Variants in PIP4K2B observed in about 807,000 individuals in gnomAD.
PIP4K2B encodes the protein phosphatidylinositol-5-phosphate 4-kinase type 2 beta, also known as phosphatidylinositol 5-phosphate 4-kinase type-2 beta.
PIP4K2B carries 3 observed loss-of-function variants against 42.0 expected under a neutral mutation model. The observed-to-expected ratio is 0.07, with a 90% confidence interval of 0.03 to 0.18. The LOEUF (loss-of-function observed/expected upper bound fraction) is 0.18, where lower values mean the gene tolerates loss of function less well. Ranked by LOEUF, PIP4K2B falls within the 10% of genes least tolerant of loss-of-function variation. The pLI is 1.00. For missense variants in PIP4K2B, 332 were observed against 562.3 expected, an observed-to-expected ratio of 0.59 and a Z score of 4.14; for synonymous variants, 204 against 210.1, an observed-to-expected ratio of 0.97 and a Z score of 0.25.
chr17:38,793,392 C>T (rs1046953187), intron 1 of PIP4K2B, among the ~76,000 whole-genome samples: 1 of 150,864 alleles, frequency 6.6e-6, no homozygotes, highest in African/African-American at 2.4e-5. Context: ...TACAGGCATG[C>T]GCCACCATGC....
intron 3 of PIP4K2B, among the ~76,000 whole-genome samples, 153 bp from the exon 4 acceptor site, chr17:38,780,757 G>A (rs1277298201): frequency 6.6e-6 from 1 of 152,142 alleles, no homozygotes; most frequent in Non-Finnish European, 1.5e-5. Context: ...TTTTCTCACA[G>A]GGTGTTCACA....
chr17:38,769,657 C>T lies in PIP4K2B; in HGVS notation c.*34G>A. 2 of 1,254,556 alleles carry T rather than the reference C, an allele frequency of 1.6e-6. No individual in the cohort carries two copies. Among genetic ancestry groups the T allele is most frequent in the South Asian group, 2.4e-5 (2 of 83,898 alleles). 77.7% of individuals were successfully genotyped at this position (1,254,556 alleles called of 1,614,324 possible). On this transcript the variant is annotated 3_prime_UTR_variant, in exon 10 of 10. Transcript: ENST00000619039. ...AACTCCCGATCCCCGACCCCATATCCAGCTCTCTGGCTCTGGCTGAAGGTA... is the reference window on the plus strand; with the variant it reads ...AACTCCCGATCCCCGACCCCATATCTAGCTCTCTGGCTCTGGCTGAAGGTA...
intron 1 of PIP4K2B, among the ~76,000 whole-genome samples, 160 bp from the exon 2 acceptor site, chr17:38,787,080 G>C (rs1309043352): frequency 2.6e-5 from 4 of 152,148 alleles, no homozygotes; most frequent in Admixed American, 6.5e-5. Context: ...CTGTCACCCA[G>C]GCTGAAGTGC....
chr17:38,776,662 A>T (rs79147094), intron 7 of PIP4K2B: 4 of 437,498 alleles, frequency 9.1e-6, no homozygotes, highest in Non-Finnish European at 9.0e-6. Flanking sequence ...AACAAAAAAA[A>T]CACCTATTAT....
intron 3 of PIP4K2B, 23 bp from the exon 4 acceptor site, chr17:38,780,627 G>C: frequency 1.2e-6 from 2 of 1,600,148 alleles, no homozygotes. Flanking sequence ...ACAAAAGAAG[G>C]CTGGGCTTGG....
intron 7 of PIP4K2B, chr17:38,775,918 C>A (rs561802640): frequency 3.6e-5 from 15 of 419,312 alleles, no homozygotes; most frequent in Non-Finnish European, 6.0e-5. Flanking sequence ...TATGGATGAA[C>A]CCTGAAGACA....
intron 8 of PIP4K2B, 102 bp from the exon 9 acceptor site, chr17:38,770,641 T>C: frequency 1.4e-6 from 1 of 733,192 alleles, no homozygotes; most frequent in African/African-American, 1.7e-5. Context: ...CTCAGCTCCA[T>C]CCTTATCATG....
At position 38,787,615 on chromosome 17, in the gene PIP4K2B, C is replaced by T. The variant is rs187549820; in HGVS notation, c.160-695G>A. On this transcript the variant is annotated intron_variant, in intron 1 of 9. Transcript: ENST00000619039. ...TCTTTCTTTTTCTTTTTCTTTGAGA[C>T]GGAGTTTTGCTGTTGTTGCCCAGGC... Among the ~76,000 whole-genome samples the T allele has an allele frequency of 3.0e-3, 454 of 152,218 alleles. 1 individual carries two copies. Among genetic ancestry groups the T allele is most frequent in the Middle Eastern group, 6.8e-3 (2 of 294 alleles).
At chr17:38,773,440 A>T (rs1909154896) in intron 7 of PIP4K2B, among the ~76,000 whole-genome samples, 1 of 152,122 alleles carries the variant, frequency 6.6e-6, no homozygotes, top group African/African-American at 2.4e-5. Context: ...CATCTGTATA[A>T]TGGGTGCTGT....
At chr17:38,771,343 AG>A (rs1909030597) in intron 7 of PIP4K2B, 71 bp from the exon 8 acceptor site, 2 of 1,534,760 alleles carry the variant, frequency 1.3e-6, no homozygotes, top group African/African-American at 1.4e-5. Flanking sequence ...ACATCCAGAA[AG>A]GGGGGAAAGG....
At chr17:38,794,764 T>C (rs1006963813) in intron 1 of PIP4K2B, among the ~76,000 whole-genome samples, 1 of 152,006 alleles carries the variant, frequency 6.6e-6, no homozygotes, top group Non-Finnish European at 1.5e-5. Context: ...CTGGACTTTA[T>C]TAAAGTTAAA....
chr17:38,769,840 A>G (rs1908909711), intron 9 of PIP4K2B, 69 bp from the exon 10 acceptor site: 1 of 1,440,264 alleles, frequency 6.9e-7, no homozygotes. Context: ...ACATGGGGGG[A>G]GCCAGGGTAT....
chr17:38,778,515 G>A (rs546553393), intron 5 of PIP4K2B, 143 bp from the exon 6 acceptor site: 2 of 779,552 alleles, frequency 2.6e-6, no homozygotes, highest in Admixed American at 3.6e-5. Context: ...TTCATTTACT[G>A]TGTCAAGCCC....
rs1355381378 is a variant in PIP4K2B at position 38,768,188 on chromosome 17, C to G, written c.*1503G>C. The G allele has an allele frequency of 6.6e-6, 1 of 152,280 alleles. No individual in the cohort carries two copies. The highest frequency in any genetic ancestry group is 1.5e-5 in the Non-Finnish European group (1 of 68,066). The allele number at this position is 152,280 out of a possible 1,614,324, so 9.4% of individuals were successfully genotyped here. On this transcript the variant is annotated 3_prime_UTR_variant, in exon 10 of 10. Coordinates refer to ENST00000619039, the MANE Select transcript of PIP4K2B (RefSeq NM_003559.5). ...TCTGACCATATCTCATCCCAAATCCCCAGTTCCTGGTTGAGGGGGTGAGAA... is the reference window on the plus strand; with the variant it reads ...TCTGACCATATCTCATCCCAAATCCGCAGTTCCTGGTTGAGGGGGTGAGAA...
rs191767291 is a variant in PIP4K2B at position 38,796,120 on chromosome 17, G to A, written c.159+3146C>T. 3.4e-3 allele frequency among the ~76,000 whole-genome samples: 522 copies of A among 152,168 alleles called. 1 individual carries two copies. The highest frequency in any genetic ancestry group is 7.1e-3 in the African/African-American group (293 of 41,524). On this transcript the variant is annotated intron_variant, in intron 1 of 9. Coordinates refer to ENST00000619039, the MANE Select transcript of PIP4K2B (RefSeq NM_003559.5). Reference sequence around the variant, plus strand: ...ACCACTGCACTCCAGCCTGGGTGACGGAGTGAGACTCCATCACAAAAACAA... The same window carrying A: ...ACCACTGCACTCCAGCCTGGGTGACAGAGTGAGACTCCATCACAAAAACAA...
At position 38,776,073 on chromosome 17, in the gene PIP4K2B, C is replaced by T. The variant is rs58267111; in HGVS notation, c.807+1614G>A. 9.7e-5 allele frequency: 43 copies of T among 444,016 alleles called. No homozygotes were observed. The Middle Eastern group carries it at 2.7e-3, about 28-fold the overall frequency. 27.5% of individuals were successfully genotyped at this position (444,016 alleles called of 1,614,324 possible). ...GCAACCTCCGCCTCCTGGGTTCAAG[C>T]GATTCTCTTGCCTCAGCCTCCCAAG... On this transcript the variant is annotated intron_variant, in intron 7 of 9. Coordinates refer to ENST00000619039, the MANE Select transcript of PIP4K2B (RefSeq NM_003559.5).
chr17:38,778,285 T>C (rs746685901), intron 6 of PIP4K2B, 49 bp downstream of exon 6: 3 of 1,585,064 alleles, frequency 1.9e-6, no homozygotes, highest in Non-Finnish European at 2.6e-6. Flanking sequence ...CGACAGGAGT[T>C]GTTTCTGACT....
chr17:38,798,386 T>C (rs563884273), intron 1 of PIP4K2B, among the ~76,000 whole-genome samples: 108 of 152,242 alleles, frequency 7.1e-4, no homozygotes, highest in African/African-American at 2.5e-3. Flanking sequence ...TCTTCCAGCT[T>C]AAACTGTCAG....
At chr17:38,779,593 CA>C in intron 4 of PIP4K2B, 64 bp from the exon 5 acceptor site, 1 of 1,476,526 alleles carries the variant, frequency 6.8e-7, no homozygotes, top group Non-Finnish European at 9.4e-7. Flanking sequence ...GGATGGGGCT[CA>C]CCCCAGACTA....
Sources: allele counts gnomAD v4.1 joint callset (sites outside exome capture counted in the v4.1 genomes callset), GRCh38; gene constraint gnomAD v4.1.1; transcripts MANE v1.5; gene names NCBI Gene and HGNC (gene_info 2026-07-23, HGNC 2026-07-21).